Variants in NEMP2 observed in about 807,000 individuals in gnomAD.
NEMP2 encodes the protein UPF0571 transmembrane protein.
Under a neutral mutation model 54.2 loss-of-function variants are expected in NEMP2, and 53 were observed. The observed-to-expected ratio is 0.98, with a 90% CI of 0.78 to 1.23. NEMP2 has a LOEUF of 1.23. Ranked by LOEUF, NEMP2 falls within the 50% of genes most tolerant of loss-of-function variation. NEMP2 has a pLI of 0.00. For missense variants in NEMP2, 455 were observed against 511.3 expected, an observed-to-expected ratio of 0.89 and a Z score of 1.06; for synonymous variants, 197 against 190.3, an observed-to-expected ratio of 1.04 and a Z score of -0.29.
chr2:190,641,670 T>C, the NEMP2 span, among the ~76,000 whole-genome samples: 1 of 152,196 alleles, frequency 6.6e-6, no homozygotes, highest in African/African-American at 2.4e-5. Context: ...CACCCTGGCT[T>C]GTGTTGTTAA....
At chr2:190,612,305 G>A in the NEMP2 span, among the ~76,000 whole-genome samples, 1 of 152,014 alleles carries the variant, frequency 6.6e-6, no homozygotes, top group African/African-American at 2.4e-5. Flanking sequence ...ACAGGTGCGT[G>A]CCACCACGCC....
the NEMP2 span, among the ~76,000 whole-genome samples, chr2:190,570,630 T>C: frequency 4.5e-4 from 69 of 152,318 alleles, no homozygotes; most frequent in Admixed American, 1.5e-3. This position sits in a 1 kb window ranked among gnomAD's most constrained non-coding sequence, Gnocchi z 5.4. Context: ...AGAAGAACAG[T>C]GCACCCTTTT....
chr2:190,517,757 TA>T, intron 4 of NEMP2, 144 bp from the exon 5 acceptor site: 1 of 634,430 alleles, frequency 1.6e-6, no homozygotes, highest in Non-Finnish European at 2.8e-6. Flanking sequence ...CCTATACTCT[TA>T]AAAAACAAAA....
the NEMP2 span, among the ~76,000 whole-genome samples, chr2:190,576,201 T>C: frequency 6.6e-6 from 1 of 152,214 alleles, no homozygotes; most frequent in South Asian, 2.1e-4. Flanking sequence ...GAATTTCTGG[T>C]CTCAAGCAAT....
chr2:190,637,428 C>CA, the NEMP2 span, among the ~76,000 whole-genome samples: 1 of 152,222 alleles, frequency 6.6e-6, no homozygotes, highest in Non-Finnish European at 1.5e-5. The surrounding 1 kb of genome is among the most constrained non-coding windows in gnomAD (Gnocchi z 4.5). Context: ...CTTAGCGTGT[C>CA]AGAGGTGGCT....
chr2:190,483,345 G>A, the NEMP2 span, among the ~76,000 whole-genome samples: 1 of 152,052 alleles, frequency 6.6e-6, no homozygotes, highest in Admixed American at 6.6e-5. Context: ...TCTGAACTTG[G>A]ACACCTTGGG....
At chr2:190,583,999 A>T in the NEMP2 span, among the ~76,000 whole-genome samples, 1 of 152,180 alleles carries the variant, frequency 6.6e-6, no homozygotes, top group Non-Finnish European at 1.5e-5. Context: ...GAGGACTGAG[A>T]GTGGGTTCCA....
At chr2:190,560,906 A>G in the NEMP2 span, among the ~76,000 whole-genome samples, 1 of 152,234 alleles carries the variant, frequency 6.6e-6, no homozygotes, top group South Asian at 2.1e-4. The surrounding 1 kb of genome is among the most constrained non-coding windows in gnomAD (Gnocchi z 5.4). Context: ...ATATCAAAAT[A>G]CTGTATTTGT....
At chr2:190,436,630 C>G in the NEMP2 span, 1 of 1,614,162 alleles carries the variant, frequency 6.2e-7, no homozygotes, top group Non-Finnish European at 8.5e-7. The surrounding 1 kb of genome is among the most constrained non-coding windows in gnomAD (Gnocchi z 5.3). Flanking sequence ...GAAAAGAAAC[C>G]TTTTGGAAAC....
chr2:190,501,988 G>A (rs574162989), downstream of NEMP2: 1 of 152,694 alleles, frequency 6.5e-6, no homozygotes, highest in Admixed American at 6.5e-5. Flanking sequence ...TGTATCTTGT[G>A]TTTACAGTTC....
chr2:190,437,138 T>A, the NEMP2 span: 1 of 1,614,254 alleles, frequency 6.2e-7, no homozygotes, highest in East Asian at 2.2e-5. This position sits in a 1 kb window ranked among gnomAD's most constrained non-coding sequence, Gnocchi z 5.9. Context: ...AATTACCAGA[T>A]CGTCTTCATC....
At chr2:190,629,867 A>T in the NEMP2 span, 1 of 152,242 alleles carries the variant, frequency 6.6e-6, no homozygotes, top group Non-Finnish European at 1.5e-5. Flanking sequence ...TTTTAAAACA[A>T]GTGGGATCAA....
At chr2:190,443,475 A>T in the NEMP2 span, among the ~76,000 whole-genome samples, 1 of 152,216 alleles carries the variant, frequency 6.6e-6, no homozygotes, top group Non-Finnish European at 1.5e-5. This position sits in a 1 kb window ranked among gnomAD's most constrained non-coding sequence, Gnocchi z 4.2. Flanking sequence ...CTGATATATT[A>T]TGCTGTTTAT....
the NEMP2 span, among the ~76,000 whole-genome samples, chr2:190,454,975 TATGTATATGTATATGTATATGTATA>T: frequency 0.07 from 7,390 of 105,144 alleles, 238 homozygotes; most frequent in South Asian, 0.13. The surrounding 1 kb of genome is among the most constrained non-coding windows in gnomAD (Gnocchi z 4.6). Context: ...TGTATATGTA[TATGTATATGTATATGTATATGTATA>T]ATGTATATGT....
At chr2:190,612,530 A>G in the NEMP2 span, among the ~76,000 whole-genome samples, 1 of 152,158 alleles carries the variant, frequency 6.6e-6, no homozygotes, top group Non-Finnish European at 1.5e-5. Context: ...ATTATATAAA[A>G]TATCTTTTCT....
At chr2:190,623,452 C>T in the NEMP2 span, among the ~76,000 whole-genome samples, 1,305 of 152,288 alleles carry the variant, frequency 8.6e-3, 21 homozygotes, top group African/African-American at 0.029. Context: ...AGAAAGGCTA[C>T]TGGCATAAAA....
chr2:190,643,364 G>A, the NEMP2 span, among the ~76,000 whole-genome samples: 2 of 152,182 alleles, frequency 1.3e-5, no homozygotes, highest in South Asian at 4.1e-4. Context: ...GAGTTTTAAA[G>A]ATGGGAGAAA....
At chr2:190,502,220 C>CA (rs1485063913), downstream of NEMP2, 32 of 152,274 alleles carry the variant, frequency 2.1e-4, no homozygotes, top group African/African-American at 7.7e-4. The surrounding 1 kb of genome is among the most constrained non-coding windows in gnomAD (Gnocchi z 4.4). Context: ...TGTGAGCTGA[C>CA]ACCTTCATGG....
chr2:190,477,457 G>T, the NEMP2 span: 1 of 747,562 alleles, frequency 1.3e-6, no homozygotes, highest in South Asian at 6.1e-5. Flanking sequence ...AGTTTAAAAT[G>T]AGTTAGGTGG....
Sources: allele counts gnomAD v4.1 joint callset (sites outside exome capture counted in the v4.1 genomes callset), GRCh38; gene constraint gnomAD v4.1.1; non-coding constraint Gnocchi (gnomAD v3.1); transcripts MANE v1.5; gene names NCBI Gene and HGNC (gene_info 2026-07-23, HGNC 2026-07-21).